Variants in DOCK1 observed in about 807,000 individuals in gnomAD.
DOCK1 encodes the protein dedicator of cytokinesis 1, also known as dedicator of cytokinesis protein 1.
A neutral mutation model predicts 262.7 loss-of-function variants in DOCK1; 138 were observed. The observed-to-expected ratio is 0.53, with a 90% CI of 0.46 to 0.61. The LOEUF (loss-of-function observed/expected upper bound fraction) is 0.61, where lower values mean the gene tolerates loss of function less well. Ranked by LOEUF, DOCK1 falls within the 20% of genes least tolerant of loss-of-function variation. The pLI is 0.00. For synonymous variants in DOCK1, 866 were observed against 867.4 expected, an observed-to-expected ratio of 1.00 and a Z score of 0.03; for missense variants, 1,908 against 2,370.7, an observed-to-expected ratio of 0.80 and a Z score of 4.05.
intron 29 of DOCK1, among the ~76,000 whole-genome samples, chr10:127,258,142 A>G (rs2059891732): frequency 6.6e-6 from 1 of 152,086 alleles, no homozygotes; most frequent in South Asian, 2.1e-4. Context: ...AGATTTCCTC[A>G]GTTTAATTTG....
chr10:127,430,107 G>C (rs527402797), intron 47 of DOCK1, among the ~76,000 whole-genome samples: 1 of 152,142 alleles, frequency 6.6e-6, no homozygotes, highest in South Asian at 2.1e-4. Flanking sequence ...CCCAGACCCG[G>C]GAGAGAACCA....
In DOCK1 at chr10:127,140,444, C is replaced by T. The variant is rs780033558; in HGVS notation, c.2847+12680C>T. Among the ~76,000 whole-genome samples the T allele has an allele frequency of 7.2e-5, 11 of 152,298 alleles. No homozygotes were observed. In the East Asian group the frequency reaches 1.4e-3, roughly 19 times the overall value. On this transcript the variant is annotated intron_variant, in intron 27 of 51. Transcript: ENST00000623213. The stretch of plus-strand genomic sequence containing the variant: ...CTGCCAGCAAGTTGACCCTGAGGTC[C>T]GCCCCCCAGCCCATCTCCCCATCTG...
intron 29 of DOCK1, among the ~76,000 whole-genome samples, chr10:127,286,866 C>CT (rs1328855176): frequency 3.1e-4 from 44 of 142,386 alleles, no homozygotes; most frequent in Admixed American, 7.7e-4. Flanking sequence ...TACTTTTTTT[C>CT]TTTTTTTTTT....
intron 38 of DOCK1, among the ~76,000 whole-genome samples, chr10:127,398,535 G>A (rs977952891): frequency 6.6e-6 from 1 of 152,190 alleles, no homozygotes; most frequent in East Asian, 1.9e-4. Context: ...AGATTCTTCC[G>A]CACCAGTGAT....
At chr10:127,121,084 C>G (rs1378614762) in intron 25 of DOCK1, among the ~76,000 whole-genome samples, 1 of 152,176 alleles carries the variant, frequency 6.6e-6, no homozygotes, top group Non-Finnish European at 1.5e-5. Context: ...TGCATTATTT[C>G]TTTATACGTG....
chr10:127,158,895 T>G (rs2053334261), intron 27 of DOCK1, among the ~76,000 whole-genome samples: 1 of 152,098 alleles, frequency 6.6e-6, no homozygotes, highest in African/African-American at 2.4e-5. Context: ...GCTCTCTTTT[T>G]TTGGTGCTTT....
In DOCK1 at chr10:127,439,237, G is replaced by A; in HGVS notation, c.5259+12G>A. ...TCCTTTCGGAAACGGTAACCCGACA[G>A]GGTATCTTTCCTCGCTCTGCGGTAG... On this transcript the variant is annotated intron_variant, in intron 49 of 51. Transcript: ENST00000623213. 1 of 1,602,936 alleles carries A rather than the reference G, an allele frequency of 6.2e-7. No homozygotes were observed. Among genetic ancestry groups the A allele is most frequent in the Non-Finnish European group, 8.5e-7 (1 of 1,174,780 alleles).
chr10:127,373,931 A>G, intron 34 of DOCK1, 65 bp downstream of exon 34: 1 of 1,539,410 alleles, frequency 6.5e-7, no homozygotes, highest in Non-Finnish European at 8.8e-7. Flanking sequence ...CCGTAATTAG[A>G]CTACAATGAA....
intron 23 of DOCK1, among the ~76,000 whole-genome samples, chr10:127,076,286 G>T (rs2046535887): frequency 6.6e-6 from 1 of 152,194 alleles, no homozygotes; most frequent in Non-Finnish European, 1.5e-5. Context: ...CGGATCACAA[G>T]GTCAGTAGAT....
At chr10:127,387,735 G>A (rs183152647) in intron 38 of DOCK1, among the ~76,000 whole-genome samples, 6 of 152,264 alleles carry the variant, frequency 3.9e-5, no homozygotes, top group Admixed American at 1.3e-4. Flanking sequence ...TTATGGACGT[G>A]TGTGGAAAGA....
chr10:127,351,767 C>T (rs572558801), intron 31 of DOCK1, among the ~76,000 whole-genome samples: 39 of 152,190 alleles, frequency 2.6e-4, no homozygotes, highest in Non-Finnish European at 5.9e-5. Context: ...CCCTTGAGGT[C>T]TGGTGACAGC....
At chr10:127,007,515 G>C (rs2041124479) in intron 10 of DOCK1, 1 of 152,262 alleles carries the variant, frequency 6.6e-6, no homozygotes, top group African/African-American at 2.4e-5. Context: ...CGGTGGAGCA[G>C]TAGCAGACAC....
chr10:127,321,045 G>A (rs560448421), intron 29 of DOCK1, among the ~76,000 whole-genome samples: 201 of 152,204 alleles, frequency 1.3e-3, no homozygotes, highest in South Asian at 7.7e-3. Flanking sequence ...TATCAATGGT[G>A]TCCTCATCAA....
chr10:127,371,493 G>A (rs1407689443), intron 33 of DOCK1, among the ~76,000 whole-genome samples: 1 of 152,132 alleles, frequency 6.6e-6, no homozygotes, highest in Admixed American at 6.5e-5. Flanking sequence ...AAAACATGCC[G>A]TTTTCATAAC....
At chr10:127,251,645 C>T (rs1228888252) in intron 28 of DOCK1, among the ~76,000 whole-genome samples, 2 of 148,822 alleles carry the variant, frequency 1.3e-5, no homozygotes, top group Non-Finnish European at 3.0e-5. Flanking sequence ...GGTTTTTTGT[C>T]CTTGCAATAG....
At chr10:127,427,025 C>T (rs2068857460) in intron 47 of DOCK1, among the ~76,000 whole-genome samples, 1 of 152,168 alleles carries the variant, frequency 6.6e-6, no homozygotes, top group Non-Finnish European at 1.5e-5. Flanking sequence ...TTTACTCAGT[C>T]TCTGGGAGCT....
intron 1 of DOCK1, among the ~76,000 whole-genome samples, chr10:126,949,265 G>T (rs2035956202): frequency 6.6e-6 from 1 of 152,124 alleles, no homozygotes; most frequent in Non-Finnish European, 1.5e-5. Context: ...CTCTCCCTGT[G>T]GGGAATGGGG....
intron 23 of DOCK1, among the ~76,000 whole-genome samples, chr10:127,079,414 C>T (rs1432008459): frequency 6.6e-6 from 1 of 152,214 alleles, no homozygotes; most frequent in East Asian, 1.9e-4. Context: ...GTGGTTACCT[C>T]TTTAAAATAG....
rs538461092 is a variant in DOCK1, at chr10:127,140,294, C to T, written c.2847+12530C>T. The stretch of plus-strand genomic sequence containing the variant: ...CTGAGTTCTTGTTAACAAAATGACT[C>T]GACTTTATCTGTCGAGTTGATTCCT... On this transcript the variant is annotated intron_variant, in intron 27 of 51. Coordinates refer to ENST00000623213, the MANE Select transcript of DOCK1 (RefSeq NM_001290223.2). Among the ~76,000 whole-genome samples, 6 of 152,266 alleles carry T rather than the reference C, an allele frequency of 3.9e-5. 1 individual carries two copies. The South Asian group carries it at 1.0e-3, about 26-fold the overall frequency.
Sources: allele counts gnomAD v4.1 joint callset (sites outside exome capture counted in the v4.1 genomes callset), GRCh38; gene constraint gnomAD v4.1.1; transcripts MANE v1.5; gene names NCBI Gene and HGNC (gene_info 2026-07-23, HGNC 2026-07-21).